The following RAVER2 variants were observed in gnomAD, a reference collection of about 807,000 sequenced individuals.
The protein encoded by RAVER2 is ribonucleoprotein, PTB binding 2.
Under a neutral mutation model 78.1 loss-of-function variants are expected in RAVER2, and 46 were observed. The observed-to-expected ratio is 0.59, with a 90% CI of 0.46 to 0.75. The LOEUF (loss-of-function observed/expected upper bound fraction) is 0.75. RAVER2 is among the 30% of genes least tolerant of loss of function. RAVER2 has a pLI of 0.00. For synonymous variants in RAVER2, 311 were observed against 313.3 expected (o/e 0.99, Z 0.08); for missense variants, 793 against 837.5 (o/e 0.95, Z 0.66).
intron 1 of RAVER2, among the ~76,000 whole-genome samples, chr1:64,760,255 C>A (rs1295553031): frequency 6.6e-6 from 1 of 152,168 alleles, no homozygotes; most frequent in Non-Finnish European, 1.5e-5. Context: ...TTGGGCAGCC[C>A]TGTGTTCAGC....
chr1:64,831,110 T>G (rs1654117124), exon 12 of RAVER2: 3 of 1,031,970 alleles, frequency 2.9e-6, no homozygotes, highest in Non-Finnish European at 4.1e-6. Flanking sequence ...CAGAAGGAAC[T>G]GTGTTGTGCA....
chr1:64,816,229 A>C (rs1653753942), intron 11 of RAVER2: 1 of 152,200 alleles, frequency 6.6e-6, no homozygotes, highest in Non-Finnish European at 1.5e-5. Flanking sequence ...ATCCATGGAA[A>C]GACTTTCTCA....
intron 4 of RAVER2, among the ~76,000 whole-genome samples, chr1:64,784,707 A>G (rs1021076202): frequency 1.3e-5 from 2 of 152,172 alleles, no homozygotes; most frequent in African/African-American, 4.8e-5. Context: ...CTGCTTTTCT[A>G]TGTTCTATAA....
chr1:64,782,716 G>T (rs1570551099), intron 4 of RAVER2, among the ~76,000 whole-genome samples: 1 of 152,186 alleles, frequency 6.6e-6, no homozygotes, highest in East Asian at 1.9e-4. Flanking sequence ...AAGTGGTCTG[G>T]TTGCAGAGTG....
At chr1:64,788,103 C>G (rs777443365) in intron 4 of RAVER2, among the ~76,000 whole-genome samples, 29 of 152,152 alleles carry the variant, frequency 1.9e-4, no homozygotes, top group Non-Finnish European at 3.2e-4. Flanking sequence ...TTTTAGGAAG[C>G]TACTCGATTG....
chr1:64,789,528 A>G lies in RAVER2; in HGVS notation c.1105+14A>G, dbSNP rs780874199. 7 of 1,462,280 alleles carry G rather than the reference A, an allele frequency of 4.8e-6. No homozygotes were observed. The African/African-American group carries it at 5.7e-5, about 12-fold the overall frequency. 90.6% of individuals were successfully genotyped at this position (1,462,280 alleles called of 1,614,324 possible). On this transcript the variant is annotated intron_variant, in intron 5 of 11. Transcript: ENST00000294428. ...CTGTTAAACCAGGTATGGACCATGTATGTATACTGATTAATTAAAGAATGC... is the reference window on the plus strand; with the variant it reads ...CTGTTAAACCAGGTATGGACCATGTGTGTATACTGATTAATTAAAGAATGC...
chr1:64,784,617 A>C (rs1570552964), intron 4 of RAVER2, among the ~76,000 whole-genome samples: 1 of 152,312 alleles, frequency 6.6e-6, no homozygotes, highest in East Asian at 1.9e-4. Flanking sequence ...TTATGTTTCC[A>C]AGGGATTCTT....
intron 9 of RAVER2, among the ~76,000 whole-genome samples, chr1:64,811,239 A>G (rs1653596351): frequency 6.6e-6 from 1 of 152,184 alleles, no homozygotes; most frequent in African/African-American, 2.4e-5. Context: ...TCCTGTTGCT[A>G]TTGCGGTGAG....
Position 64,745,519 on chromosome 1 carries a change from G to T in RAVER2, c.249+98G>T. 7.5e-7 allele frequency: 1 copy of T among 1,338,788 alleles called. No individual in the cohort carries two copies. The highest frequency in any genetic ancestry group is 9.7e-7 in the Non-Finnish European group (1 of 1,027,388). 82.9% of individuals were successfully genotyped at this position (1,338,788 alleles called of 1,614,324 possible). ...GGGGGCGCCTCAGAGCGGTCCTGGG[G>T]AGTGGGTCGGCGCCGAGTGGTGAGA... On this transcript the variant is annotated intron_variant, in intron 1 of 11. Coordinates refer to ENST00000294428, the Ensembl canonical transcript of RAVER2. The surrounding 1 kb of genome is among the most constrained non-coding windows in gnomAD (Gnocchi z 4.3).
chr1:64,804,247 A>G lies in RAVER2; in HGVS notation c.1192-487A>G, dbSNP rs181934525. On this transcript the variant is annotated intron_variant, in intron 6 of 11. Transcript: ENST00000294428. ...CTTCCAGGCTAAATAGCATTCCTCC[A>G]CTATTTGTTCTTATAGCCCCCTGTA... is the stretch of plus-strand genomic sequence containing the variant. 5.3e-5 allele frequency among the ~76,000 whole-genome samples: 8 copies of G among 152,032 alleles called. No individual in the cohort carries two copies. In the East Asian group the frequency reaches 1.2e-3, roughly 22 times the overall value.
chr1:64,760,669 A>G (rs1162912689), intron 1 of RAVER2, among the ~76,000 whole-genome samples: 2 of 151,906 alleles, frequency 1.3e-5, no homozygotes, highest in Admixed American at 6.6e-5. Flanking sequence ...ATTTAATGGG[A>G]TATATTTAAA....
At chr1:64,780,217 T>C (rs564725723) in intron 3 of RAVER2, among the ~76,000 whole-genome samples, 10 of 152,280 alleles carry the variant, frequency 6.6e-5, no homozygotes, top group South Asian at 6.2e-4. Context: ...TCTTAACTTG[T>C]GGTCAAGAGA....
At chr1:64,833,232 A>T (rs1307328132), downstream of RAVER2, 4 of 222,852 alleles carry the variant, frequency 1.8e-5, no homozygotes, top group Non-Finnish European at 3.6e-5. Context: ...ATGCATGTAA[A>T]GTCTTTAGTA....
chr1:64,811,369 A>G (rs1028292547), intron 9 of RAVER2, among the ~76,000 whole-genome samples: 13 of 152,206 alleles, frequency 8.5e-5, no homozygotes, highest in Admixed American at 8.5e-4. Context: ...TCATGCTTGC[A>G]TATTTTTCAT....
exon 12 of RAVER2, chr1:64,831,968 C>T (rs1654151004): frequency 6.6e-6 from 1 of 152,124 alleles, no homozygotes; most frequent in African/African-American, 2.4e-5. Context: ...AAGTATCTGG[C>T]CATTTATATA....
At chr1:64,800,650 C>A (rs1415627913) in intron 5 of RAVER2, among the ~76,000 whole-genome samples, 4 of 152,124 alleles carry the variant, frequency 2.6e-5, no homozygotes, top group Non-Finnish European at 5.9e-5. Flanking sequence ...GTTTTCCACT[C>A]AAAAATGCCT....
chr1:64,805,051 T>C (rs762372752), exon 8 of RAVER2: 10 of 1,614,016 alleles, frequency 6.2e-6, no homozygotes, highest in Middle Eastern at 1.6e-4. Flanking sequence ...AGGGATAGGG[T>C]CAGTGCTTCC....
chr1:64,802,942 A>G, intron 5 of RAVER2, 34 bp from the exon 6 acceptor site: 1 of 1,460,820 alleles, frequency 6.8e-7, no homozygotes, highest in South Asian at 1.2e-5. Context: ...AATTCCATAT[A>G]TAAATTAAAG....
At chr1:64,783,133 A>T (rs1015012295) in intron 4 of RAVER2, among the ~76,000 whole-genome samples, 3 of 152,136 alleles carry the variant, frequency 2.0e-5, no homozygotes, top group South Asian at 2.1e-4. Flanking sequence ...TCTATCATTG[A>T]TGGACATTTG....
Sources: gnomAD v4.1 joint callset for allele counts (sites outside exome capture counted in the v4.1 genomes callset) on GRCh38, gnomAD v4.1.1 for gene constraint, Gnocchi (gnomAD v3.1) non-coding constraint, MANE v1.5 for transcripts, NCBI Gene and HGNC (gene_info 2026-07-23, HGNC 2026-07-21) for gene names.